The following CCDC138 variants were observed in gnomAD, a reference collection of about 807,000 sequenced individuals.
CCDC138 encodes coiled-coil domain containing 138, also known as coiled-coil domain-containing protein 138.
CCDC138 carries 66 observed loss-of-function variants against 82.3 expected under a neutral mutation model. That is an observed-to-expected ratio of 0.80 (90% CI 0.66 to 0.98). The LOEUF (loss-of-function observed/expected upper bound fraction) is 0.98. CCDC138 is among the 50% of genes least tolerant of loss of function. The pLI, the probability that CCDC138 is intolerant of heterozygous loss-of-function variation, is 0.00. For synonymous variants in CCDC138, 297 were observed against 265.4 expected (o/e 1.12, Z -1.16); for missense variants, 816 against 758.9 (o/e 1.08, Z -0.88).
intron 2 of CCDC138, chr2:108,885,084 T>A (rs1696390902): frequency 6.6e-6 from 1 of 152,248 alleles, no homozygotes; most frequent in South Asian, 2.1e-4. Flanking sequence ...TAATTACTAA[T>A]CAGTGTCTTT....
intron 10 of CCDC138, among the ~76,000 whole-genome samples, chr2:108,829,048 G>A (rs1249338252): frequency 6.6e-6 from 1 of 152,088 alleles, no homozygotes; most frequent in East Asian, 1.9e-4. Context: ...AAAACTCTTA[G>A]AAGAAGACAC....
chr2:108,852,262 T>C (rs891009752), intron 12 of CCDC138, among the ~76,000 whole-genome samples: 1 of 152,182 alleles, frequency 6.6e-6, no homozygotes, highest in African/African-American at 2.4e-5. Context: ...AAGATACAAC[T>C]CTTCTTTATG....
Position 108,816,096 on chromosome 2 carries a change from G to A in CCDC138, c.1197G>A (p.Lys399=), listed in dbSNP as rs188103209. 110 of 1,600,142 alleles carry A rather than the reference G, an allele frequency of 6.9e-5. No homozygotes were observed. In the African/African-American group the frequency reaches 1.3e-3, roughly 19 times the overall value. The change falls in exon 10 of 15, where the codon AAG becomes AAA. Residue 399 remains lysine (K), a synonymous_variant. Transcript: ENST00000295124. ...FASQRNDIQE[K]CVKLLPLMTE... The stretch of plus-strand genomic sequence containing the variant: ...CCCAGAGAAATGATATTCAGGAGAA[G>A]TGTGTAAAGGTTTGTTTTTTAATTT...
chr2:108,791,672 A>C lies in CCDC138; in HGVS notation c.267-3A>C, dbSNP rs1356331764. ...TTGCTGTGATACAATTATTTTTTTAAAGCCTAGATGATGAACTGGATTCTT... is the reference window on the plus strand; with the variant it reads ...TTGCTGTGATACAATTATTTTTTTACAGCCTAGATGATGAACTGGATTCTT... On this transcript the variant is annotated splice_region_variant and splice_polypyrimidine_tract_variant and intron_variant, in intron 3 of 14. Transcript: ENST00000295124. 2 of 1,602,320 alleles carry C rather than the reference A, an allele frequency of 1.2e-6. No individual in the cohort carries two copies. Among genetic ancestry groups the C allele is most frequent in the South Asian group, 2.3e-5 (2 of 88,872 alleles).
chr2:108,806,984 C>T (rs1573994631), intron 7 of CCDC138, among the ~76,000 whole-genome samples: 1 of 152,236 alleles, frequency 6.6e-6, no homozygotes, highest in East Asian at 1.9e-4. Flanking sequence ...TAAACTGAAA[C>T]CTGGCCTTGA....
At chr2:108,805,257 A>G (rs1682663699) in intron 7 of CCDC138, among the ~76,000 whole-genome samples, 2 of 152,156 alleles carry the variant, frequency 1.3e-5, no homozygotes, top group Admixed American at 6.6e-5. Flanking sequence ...AGAACTGATT[A>G]CATTTTTAGG....
intron 10 of CCDC138, among the ~76,000 whole-genome samples, chr2:108,825,282 G>C (rs1686366568): frequency 6.6e-6 from 1 of 151,764 alleles, no homozygotes; most frequent in Non-Finnish European, 1.5e-5. Context: ...TTTTTTGTTT[G>C]TTTGTTTGTT....
chr2:108,835,042 A>G (rs1688346278), intron 10 of CCDC138, among the ~76,000 whole-genome samples: 1 of 152,262 alleles, frequency 6.6e-6, no homozygotes, highest in South Asian at 2.1e-4. Context: ...AGATTCAAAT[A>G]ATGCTGCTAG....
intron 12 of CCDC138, among the ~76,000 whole-genome samples, chr2:108,853,403 C>A (rs1028513892): frequency 6.6e-6 from 1 of 152,050 alleles, no homozygotes; most frequent in African/African-American, 2.4e-5. Flanking sequence ...TATGGAGATA[C>A]AGAAATCTAT....
rs572866367 is a variant in CCDC138, at chr2:108,830,803, C to T, written c.1207-8382C>T. Among the ~76,000 whole-genome samples the T allele has an allele frequency of 1.7e-3, 259 of 151,094 alleles. 1 individual carries two copies. Among genetic ancestry groups the T allele is most frequent in the African/African-American group, 3.4e-3 (138 of 41,148 alleles). On this transcript the variant is annotated intron_variant, in intron 10 of 14. Transcript: ENST00000295124. ...AGCCTGGGCAACAAGAGCAAAACTC[C>T]GTCTCAAATAAAAAACAAAAAAAAA...
intron 10 of CCDC138, among the ~76,000 whole-genome samples, chr2:108,838,507 G>A (rs1055715651): frequency 2.0e-5 from 3 of 152,108 alleles, no homozygotes; most frequent in South Asian, 4.2e-4. Context: ...TTCTTAAATC[G>A]ATTTTCTTAG....
In CCDC138 at chr2:108,818,820, C is replaced by CT. The variant is rs199823267; in HGVS notation, c.1206+2727dup. Reference sequence around the variant, plus strand: ...AGAAATTACCTTTGGAAACTTCTGACTTTTTTTTTTTTGTATATTTGATCA... The same window carrying CT: ...AGAAATTACCTTTGGAAACTTCTGACTTTTTTTTTTTTTGTATATTTGATCA... On this transcript the variant is annotated intron_variant, in intron 10 of 14. Coordinates refer to ENST00000295124, the MANE Select transcript of CCDC138 (RefSeq NM_144978.3). 6.4e-3 allele frequency among the ~76,000 whole-genome samples: 930 copies of CT among 144,566 alleles called. 5 individuals carry two copies. The highest frequency in any genetic ancestry group is 0.025 in the East Asian group (124 of 4,994). 94.8% of individuals were successfully genotyped at this position (144,566 alleles called of 152,430 possible).
chr2:108,870,487 G>A (rs929514438), intron 13 of CCDC138, among the ~76,000 whole-genome samples: 2 of 152,044 alleles, frequency 1.3e-5, no homozygotes, highest in African/African-American at 2.4e-5. Context: ...GGAAAGACAC[G>A]GCTCTACAAA....
chr2:108,854,028 A>T (rs11694356), intron 12 of CCDC138, among the ~76,000 whole-genome samples: 3 of 109,090 alleles, frequency 2.8e-5, no homozygotes, highest in Non-Finnish European at 5.3e-5. Flanking sequence ...ATAAATTTAT[A>T]TTATATATAA....
intron 10 of CCDC138, among the ~76,000 whole-genome samples, chr2:108,832,131 G>A (rs1687794183): frequency 1.3e-5 from 2 of 151,908 alleles, no homozygotes; most frequent in Non-Finnish European, 1.5e-5. Context: ...CTGGGTTCAA[G>A]CAGTTCTTCT....
chr2:108,857,051 T>C, intron 13 of CCDC138, 81 bp downstream of exon 13: 1 of 245,482 alleles, frequency 4.1e-6, no homozygotes. Context: ...TAACTCCACA[T>C]ATCAGATACT....
rs1256355711 is a variant in CCDC138 at position 108,793,052 on chromosome 2, ACT to A, written c.394+1253_394+1254del. 3.1e-5 allele frequency among the ~76,000 whole-genome samples: 4 copies of A among 129,928 alleles called. No homozygotes were observed. In the Admixed American group the frequency reaches 3.5e-4, roughly 11 times the overall value. 85.2% of individuals were successfully genotyped at this position (129,928 alleles called of 152,430 possible). On this transcript the variant is annotated intron_variant, in intron 4 of 14. Transcript: ENST00000295124. ...GCACTCCAGTCTGGGCGACAGAGAG[ACT>A]CTGTCTCAAAAAAAAAAGCAAGGCC... is the stretch of plus-strand genomic sequence containing the variant.
At chr2:108,807,049 G>A (rs943309983) in intron 7 of CCDC138, among the ~76,000 whole-genome samples, 3 of 152,142 alleles carry the variant, frequency 2.0e-5, no homozygotes, top group Non-Finnish European at 4.4e-5. Context: ...TAAATGCCTA[G>A]CAGAGGAAAA....
downstream of CCDC138, among the ~76,000 whole-genome samples, chr2:108,880,750 TA>T (rs916368374): frequency 1.3e-5 from 2 of 151,810 alleles, no homozygotes; most frequent in African/African-American, 2.4e-5. Context: ...ACTGCTCAGA[TA>T]AAAAAAAGAC....
Sources: gnomAD v4.1 joint callset for allele counts (sites outside exome capture counted in the v4.1 genomes callset) on GRCh38, gnomAD v4.1.1 for gene constraint, MANE v1.5 for transcripts, NCBI Gene and HGNC (gene_info 2026-07-23, HGNC 2026-07-21) for gene names.